The following NEK11 variants were observed in gnomAD, a reference collection of about 807,000 sequenced individuals.
The protein encoded by NEK11 is serine/threonine-protein kinase Nek11.
NEK11 carries 72 observed loss-of-function variants against 80.7 expected under a neutral mutation model. That is an observed-to-expected ratio of 0.89 (90% CI 0.74 to 1.08). The LOEUF is 1.08. Among genes scored for constraint, NEK11 ranks in the 50% least tolerant of loss-of-function variants. The probability of loss-of-function intolerance (pLI) is 0.00; values close to 1 mark genes in which losing one functional copy is unlikely to be tolerated. For missense variants in NEK11, 764 were observed against 763.6 expected (o/e 1.00, Z -0.01); for synonymous variants, 251 against 260.7 (o/e 0.96, Z 0.36).
intron 14 of NEK11, among the ~76,000 whole-genome samples, chr3:131,187,560 A>G (rs773003904): frequency 1.6e-4 from 24 of 152,170 alleles, no homozygotes; most frequent in Non-Finnish European, 2.9e-4. Flanking sequence ...CCTTTTTCAT[A>G]GAGAAGGACA....
chr3:131,312,612 A>G (rs1178515971), intron 17 of NEK11, among the ~76,000 whole-genome samples: 1 of 152,068 alleles, frequency 6.6e-6, no homozygotes, highest in Admixed American at 6.6e-5. Flanking sequence ...CTTAATATTT[A>G]TTGAATGGTC....
At chr3:131,285,230 G>A (rs2096456183) in intron 17 of NEK11, among the ~76,000 whole-genome samples, 1 of 152,198 alleles carries the variant, frequency 6.6e-6, no homozygotes, top group Admixed American at 6.5e-5. Flanking sequence ...AAAGGTTTCT[G>A]GGGATGGCCA....
chr3:131,323,635 C>A (rs1403258617), intron 17 of NEK11, among the ~76,000 whole-genome samples: 2 of 152,062 alleles, frequency 1.3e-5, no homozygotes, highest in African/African-American at 4.8e-5. Flanking sequence ...TCGTGAAAAT[C>A]AATTTTTATT....
chr3:131,270,307 T>G (rs1368494516), intron 16 of NEK11, among the ~76,000 whole-genome samples: 1 of 152,210 alleles, frequency 6.6e-6, no homozygotes, highest in African/African-American at 2.4e-5. Context: ...TCTAGAGCCT[T>G]ACTACTCAAA....
At chr3:131,259,740 T>TG (rs2095878699) in intron 16 of NEK11, among the ~76,000 whole-genome samples, 1 of 152,154 alleles carries the variant, frequency 6.6e-6, no homozygotes, top group African/African-American at 2.4e-5. Flanking sequence ...TAAAGGTTGC[T>TG]ACTTGGAGGG....
At chr3:131,058,004 G>C (rs1577575669) in intron 3 of NEK11, among the ~76,000 whole-genome samples, 1 of 152,054 alleles carries the variant, frequency 6.6e-6, no homozygotes, top group Non-Finnish European at 1.5e-5. Context: ...TTTTCTTCTA[G>C]GGTTTTTATG....
At chr3:131,118,705 GT>G (rs1360344476) in intron 5 of NEK11, among the ~76,000 whole-genome samples, 1 of 152,146 alleles carries the variant, frequency 6.6e-6, no homozygotes, top group Admixed American at 6.5e-5. Flanking sequence ...TCTTGGGAGG[GT>G]GTATGTGTCC....
chr3:131,048,993 G>A (rs1422077718), intron 3 of NEK11, among the ~76,000 whole-genome samples: 1 of 152,172 alleles, frequency 6.6e-6, no homozygotes, highest in Non-Finnish European at 1.5e-5. Flanking sequence ...CTGCTGACTT[G>A]CTCCGCCTAC....
At chr3:131,181,615 G>T (rs537053685) in intron 14 of NEK11, among the ~76,000 whole-genome samples, 1 of 151,782 alleles carries the variant, frequency 6.6e-6, no homozygotes, top group Admixed American at 6.6e-5. Context: ...GTGTGGTGGC[G>T]GGCGCCTGTA....
At chr3:131,094,137 G>T (rs1008658308) in intron 4 of NEK11, among the ~76,000 whole-genome samples, 12 of 151,108 alleles carry the variant, frequency 7.9e-5, no homozygotes, top group African/African-American at 2.4e-4. Flanking sequence ...TTGCAGTAGT[G>T]TGGGTGGTGG....
At chr3:131,119,167 G>T (rs985102663) in intron 5 of NEK11, among the ~76,000 whole-genome samples, 7 of 152,060 alleles carry the variant, frequency 4.6e-5, no homozygotes, top group Admixed American at 6.6e-5. Context: ...CTGGTATGTT[G>T]TGTCTTTGTT....
chr3:131,117,621 T>C (rs1332339963), intron 5 of NEK11, among the ~76,000 whole-genome samples: 2 of 152,230 alleles, frequency 1.3e-5, no homozygotes, highest in African/African-American at 4.8e-5. Context: ...GGAATGTTCT[T>C]CCATTTCTTT....
At chr3:131,245,434 A>G (rs2095585589) in intron 16 of NEK11, among the ~76,000 whole-genome samples, 1 of 146,848 alleles carries the variant, frequency 6.8e-6, no homozygotes, top group African/African-American at 2.7e-5. Context: ...TTTTTGATAT[A>G]ATGATATAAT....
chr3:131,038,661 AAAT>A (rs1208973626), intron 3 of NEK11, among the ~76,000 whole-genome samples: 3 of 152,194 alleles, frequency 2.0e-5, no homozygotes, highest in Non-Finnish European at 4.4e-5. Context: ...CAATACTCAA[AAAT>A]TCTTCTTAAA....
intron 3 of NEK11, among the ~76,000 whole-genome samples, chr3:131,074,710 CA>C (rs2074045371): frequency 1.3e-5 from 2 of 152,122 alleles, no homozygotes. Flanking sequence ...AAAGGCAATG[CA>C]GCAAGTATAA....
intron 7 of NEK11, among the ~76,000 whole-genome samples, chr3:131,139,219 A>G (rs147783656): frequency 8.6e-4 from 131 of 152,104 alleles, no homozygotes; most frequent in African/African-American, 3.1e-3. Context: ...GAAGTTCTGG[A>G]CTTGAGAAAT....
intron 17 of NEK11, among the ~76,000 whole-genome samples, chr3:131,303,796 T>C (rs1281887843): frequency 6.6e-6 from 1 of 152,174 alleles, no homozygotes. Context: ...TTTCTTTCAT[T>C]TTGACCTTGG....
intron 14 of NEK11, among the ~76,000 whole-genome samples, chr3:131,189,134 G>A (rs945452092): frequency 1.3e-5 from 2 of 152,076 alleles, no homozygotes; most frequent in South Asian, 4.2e-4. Context: ...AGGAGGGGAG[G>A]CCTGGAACAG....
chr3:131,122,428 T>G (rs1036567958), intron 5 of NEK11, among the ~76,000 whole-genome samples: 6 of 152,232 alleles, frequency 3.9e-5, no homozygotes, highest in African/African-American at 1.4e-4. Flanking sequence ...GAGGAAGACC[T>G]GACCCTGCTT....
Sources: gnomAD v4.1 joint callset for allele counts (sites outside exome capture counted in the v4.1 genomes callset) on GRCh38, gnomAD v4.1.1 for gene constraint, MANE v1.5 for transcripts, NCBI Gene and HGNC (gene_info 2026-07-23, HGNC 2026-07-21) for gene names.